The following COL6A6 variants were observed in gnomAD, a reference collection of about 807,000 sequenced individuals.
The protein encoded by COL6A6 is collagen alpha-6(VI) chain.
A neutral mutation model predicts 208.6 loss-of-function variants in COL6A6; 183 were observed. The observed-to-expected ratio is 0.88, with a 90% confidence interval of 0.78 to 0.99. The LOEUF (loss-of-function observed/expected upper bound fraction) is 0.99, where lower values mean the gene tolerates loss of function less well. Ranked by LOEUF, COL6A6 falls within the 50% of genes least tolerant of loss-of-function variation. The pLI, the probability that COL6A6 is intolerant of heterozygous loss-of-function variation, is 0.00. For missense variants in COL6A6, 2,816 were observed against 2,815.2 expected, an observed-to-expected ratio of 1.00 and a Z score of -0.01; for synonymous variants, 973 against 1,011.8, an observed-to-expected ratio of 0.96 and a Z score of 0.73.
At chr3:130,549,193 A>G (rs752849113) in intron 1 of COL6A6, among the ~76,000 whole-genome samples, 2 of 152,080 alleles carry the variant, frequency 1.3e-5, no homozygotes, top group Non-Finnish European at 2.9e-5. Context: ...TTTTTGAGAC[A>G]AGGTCTCACT....
At position 130,662,304 on chromosome 3, in the gene COL6A6, C is replaced by G; in HGVS notation, c.6498C>G (p.Ile2166Met). 6.2e-7 allele frequency: 1 copy of G among 1,611,726 alleles called. No homozygotes were observed. Among genetic ancestry groups the G allele is most frequent in the Non-Finnish European group, 8.5e-7 (1 of 1,178,454 alleles). Residue 2166 changes from isoleucine to methionine, a missense_variant, in exon 35 of 37, where the codon ATC becomes ATG. By Grantham distance (10) the Ile-to-Met change is conservative (BLOSUM62 1). Transcript: ENST00000358511. Reference protein sequence around the residue: ...VKFVKSFINSIRRAINKYPPI... With the variant: ...VKFVKSFINSMRRAINKYPPI... ...TTGTGAAGTCCTTTATAAACTCAAT[C>G]AGGCGTAAGTCATAAAATCTGTTGT...
intron 1 of COL6A6, among the ~76,000 whole-genome samples, chr3:130,535,021 G>A (rs528503851): frequency 6.6e-6 from 1 of 152,062 alleles, no homozygotes; most frequent in East Asian, 1.9e-4. Context: ...ACCTCCTCAA[G>A]TCAAGTCTTC....
chr3:130,628,249 A>G (rs1471860408), intron 26 of COL6A6, among the ~76,000 whole-genome samples: 1 of 152,256 alleles, frequency 6.6e-6, no homozygotes, highest in Non-Finnish European at 1.5e-5. Context: ...TCCATAATAT[A>G]ATCCCTTAAC....
intron 29 of COL6A6, 61 bp downstream of exon 29, chr3:130,641,775 G>A (rs2065318559): frequency 1.0e-6 from 1 of 967,848 alleles, no homozygotes. Context: ...AAAAGTCAGT[G>A]CATGAAATCT....
intron 23 of COL6A6, among the ~76,000 whole-genome samples, chr3:130,618,405 A>G (rs774658106): frequency 2.1e-4 from 32 of 152,242 alleles, no homozygotes; most frequent in Non-Finnish European, 4.3e-4. Context: ...TGAATGCTCA[A>G]TAAAAGGCAG....
chr3:130,643,358 G>A (rs1327214044), intron 31 of COL6A6, among the ~76,000 whole-genome samples: 2 of 152,214 alleles, frequency 1.3e-5, no homozygotes, highest in African/African-American at 4.8e-5. Context: ...ATGCCTGACA[G>A]TAACTGACAG....
chr3:130,587,812 G>C (rs956150812), intron 11 of COL6A6, among the ~76,000 whole-genome samples: 2 of 152,186 alleles, frequency 1.3e-5, no homozygotes, highest in Non-Finnish European at 2.9e-5. Flanking sequence ...TATAGAATAT[G>C]AAAGTTTTGT....
chr3:130,520,188 C>T (rs2107658475), intron 1 of COL6A6, among the ~76,000 whole-genome samples: 1 of 152,300 alleles, frequency 6.6e-6, no homozygotes, highest in Admixed American at 6.5e-5. Flanking sequence ...GTTTTAATTT[C>T]TTTAGCTAAT....
At chr3:130,582,552 G>A (rs764368061) in intron 10 of COL6A6, among the ~76,000 whole-genome samples, 2 of 152,106 alleles carry the variant, frequency 1.3e-5, no homozygotes, top group Non-Finnish European at 2.9e-5. Context: ...ACCATGGATT[G>A]GCCAACCATG....
chr3:130,605,514 A>T (rs1169614502), intron 20 of COL6A6, among the ~76,000 whole-genome samples: 1 of 152,020 alleles, frequency 6.6e-6, no homozygotes, highest in African/African-American at 2.4e-5. Flanking sequence ...AATAAAAGAG[A>T]AGTGAATTGA....
intron 32 of COL6A6, 116 bp from the exon 33 acceptor site, chr3:130,648,953 T>C (rs2065539180): frequency 2.4e-6 from 2 of 841,540 alleles, no homozygotes; most frequent in African/African-American, 3.5e-5. Flanking sequence ...GTTTTAATAC[T>C]TAAATTATTC....
chr3:130,533,253 T>TTA (rs745978217), intron 1 of COL6A6, among the ~76,000 whole-genome samples: 1 of 129,530 alleles, frequency 7.7e-6, no homozygotes, highest in Non-Finnish European at 1.6e-5. Context: ...TCCCAGGAAT[T>TTA]AAAAAAAAAA....
Position 130,571,308 on chromosome 3 carries a change from C to G in COL6A6, c.2892C>G (p.Asp964Glu). ...TGTTAGCCATGGCAGGATCAAGCGACAAGTACTTCTTCGTGGAGACTTTTG... is the reference window on the plus strand; with the variant it reads ...TGTTAGCCATGGCAGGATCAAGCGAGAAGTACTTCTTCGTGGAGACTTTTG... Reference protein sequence around the residue: ...VELLAMAGSSDKYFFVETFGG... With the variant: ...VELLAMAGSSEKYFFVETFGG... Residue 964 changes from aspartate to glutamate, a missense_variant, in exon 7 of 37, where the codon GAC becomes GAG. Asp to Glu is a conservative substitution (Grantham distance 45, BLOSUM62 2). Transcript: ENST00000358511. The G allele has an allele frequency of 6.2e-7, 1 of 1,613,912 alleles. No homozygotes were observed.
Position 130,574,251 on chromosome 3 carries a change from G to T in COL6A6, c.3273G>T (p.Arg1091Ser), listed in dbSNP as rs1395183320. 2.5e-6 allele frequency: 4 copies of T among 1,613,862 alleles called. No homozygotes were observed. In the East Asian group the frequency reaches 6.7e-5, roughly 27 times the overall value. ...AALREVEHYFRPDMGSRINTG... is the reference protein window; with the variant it reads ...AALREVEHYFSPDMGSRINTG... The stretch of plus-strand genomic sequence containing the variant: ...TCAGGGAGGTGGAACATTACTTCAG[G>T]CCAGACATGGGCAGCAGGATAAATA... The change falls in exon 8 of 37, where the codon AGG becomes AGT. Residue 1091 changes from arginine (R) to serine (S), a missense_variant. Physicochemically the swap from Arg to Ser is moderately radical, Grantham distance 110. Transcript: ENST00000358511.
At chr3:130,602,731 G>C (rs758675028) in intron 20 of COL6A6, among the ~76,000 whole-genome samples, 11 of 152,100 alleles carry the variant, frequency 7.2e-5, no homozygotes, top group Non-Finnish European at 1.6e-4. Flanking sequence ...AGTTTAATAT[G>C]GTTGCTTTTT....
At chr3:130,669,359 C>T (rs1487553067) in intron 36 of COL6A6, among the ~76,000 whole-genome samples, 1 of 151,918 alleles carries the variant, frequency 6.6e-6, no homozygotes, top group Non-Finnish European at 1.5e-5. Flanking sequence ...CATGCCACTG[C>T]ACTCCAGCCT....
chr3:130,581,168 T>A (rs1232981572), intron 8 of COL6A6, among the ~76,000 whole-genome samples: 3 of 152,182 alleles, frequency 2.0e-5, no homozygotes, highest in Non-Finnish European at 2.9e-5. Context: ...TCCCTTATGA[T>A]TATTGTAATT....
intron 1 of COL6A6, among the ~76,000 whole-genome samples, chr3:130,541,016 A>G (rs1370260900): frequency 6.6e-6 from 1 of 152,148 alleles, no homozygotes; most frequent in Non-Finnish European, 1.5e-5. Context: ...CTTTGGGTAT[A>G]TGCCCAGTAA....
intron 13 of COL6A6, 49 bp downstream of exon 13, chr3:130,591,143 A>C: frequency 7.5e-7 from 1 of 1,334,482 alleles, no homozygotes; most frequent in Non-Finnish European, 1.1e-6. Context: ...AAACATCTAC[A>C]ATATGAATTT....
Sources: gnomAD v4.1 joint callset for allele counts (sites outside exome capture counted in the v4.1 genomes callset) on GRCh38, gnomAD v4.1.1 for gene constraint, MANE v1.5 for transcripts, NCBI Gene and HGNC (gene_info 2026-07-23, HGNC 2026-07-21) for gene names.